BRCA1: variants seen among roughly 807,000 people sequenced by gnomAD.
The protein encoded by BRCA1 is BRCA1 DNA repair associated.
Under a neutral mutation model 173.7 loss-of-function variants are expected in BRCA1, and 140 were observed. The observed-to-expected ratio is 0.81, with a 90% CI of 0.70 to 0.93. The LOEUF is 0.93. Among genes scored for constraint, BRCA1 ranks in the 40% least tolerant of loss-of-function variants. The probability of loss-of-function intolerance (pLI) is 0.00; values close to 1 mark genes in which losing one functional copy is unlikely to be tolerated. For missense variants in BRCA1, 1,983 were observed against 2,172.5 expected (o/e 0.91, Z 1.73); for synonymous variants, 662 against 756.0 (o/e 0.88, Z 2.04).
intron 1 of BRCA1, among the ~76,000 whole-genome samples, chr17:43,147,390 T>C (rs11656761): frequency 0.32 from 48,077 of 151,940 alleles, 7,919 homozygotes; most frequent in South Asian, 0.49. Flanking sequence ...GGGGTTTCAC[T>C]GTGTTAGCCA....
Position 43,049,193 on chromosome 17 carries a change from A to T in BRCA1, c.5334T>A (p.Asp1778Glu), listed in dbSNP as rs754152768. The T allele has an allele frequency of 6.2e-7, 1 of 1,613,972 alleles. No individual in the cohort carries two copies. Among genetic ancestry groups the T allele is most frequent in the Non-Finnish European group, 8.5e-7 (1 of 1,179,844 alleles). Residue 1778 changes from aspartate to glutamate, a missense_variant and splice_region_variant, in exon 21 of 23, where the codon GAT becomes GAA. Transcript: ENST00000357654. ...ACAGCTGTACCATCCATTCCAGTTG[A>T]TCTAAAATGGACATTTAGATGTAAA... is the stretch of plus-strand genomic sequence containing the variant. ...CYGPFTNMPT[D>E]QLEWMVQLCG...
intron 2 of BRCA1, among the ~76,000 whole-genome samples, chr17:43,120,422 T>C (rs554143285): frequency 6.6e-6 from 1 of 152,198 alleles, no homozygotes. Context: ...AAGTGAAATA[T>C]GATCCCTATC....
intron 2 of BRCA1, among the ~76,000 whole-genome samples, chr17:43,118,844 A>G (rs2055416020): frequency 6.6e-6 from 1 of 150,952 alleles, no homozygotes; most frequent in Admixed American, 6.6e-5. Flanking sequence ...GCTCACTGCA[A>G]CCTCTGCCTC....
chr17:43,154,340 T>C (rs1408946435), intron 1 of BRCA1, among the ~76,000 whole-genome samples: 6 of 151,710 alleles, frequency 4.0e-5, no homozygotes, highest in Admixed American at 2.0e-4. Flanking sequence ...AAAAACTAAC[T>C]GGGCATGGTG....
chr17:43,071,775 G>A (rs1157527243), intron 14 of BRCA1, among the ~76,000 whole-genome samples: 1 of 152,030 alleles, frequency 6.6e-6, no homozygotes, highest in South Asian at 2.1e-4. Context: ...AGGCCGAGAC[G>A]GGTGGATCAC....
intron 1 of BRCA1, among the ~76,000 whole-genome samples, chr17:43,141,136 C>G (rs572113584): frequency 3.3e-5 from 5 of 152,116 alleles, no homozygotes; most frequent in African/African-American, 9.7e-5. Flanking sequence ...CACCCCTCCC[C>G]CTCCCAGGCT....
chr17:43,111,927 T>TA (rs2055054459), intron 3 of BRCA1, among the ~76,000 whole-genome samples: 1 of 152,166 alleles, frequency 6.6e-6, no homozygotes, highest in African/African-American at 2.4e-5. Context: ...TTTTAGCAAT[T>TA]AGAGTTTATC....
At chr17:43,059,251 G>T (rs998218446) in intron 18 of BRCA1, among the ~76,000 whole-genome samples, 3 of 152,110 alleles carry the variant, frequency 2.0e-5, no homozygotes, top group African/African-American at 7.2e-5. Context: ...ATTACCTGAG[G>T]TCAGGAGTTT....
At chr17:43,130,585 A>G (rs1200659243) in intron 1 of BRCA1, among the ~76,000 whole-genome samples, 2 of 152,210 alleles carry the variant, frequency 1.3e-5, no homozygotes, top group Admixed American at 1.3e-4. Context: ...AAATCCTGGG[A>G]TTACAGACAT....
At chr17:43,055,652 G>A (rs936825602) in intron 19 of BRCA1, among the ~76,000 whole-genome samples, 2 of 152,260 alleles carry the variant, frequency 1.3e-5, no homozygotes, top group South Asian at 4.1e-4. Flanking sequence ...TCGGTGTGGT[G>A]GCACGTGCCT....
At chr17:43,110,188 C>T (rs2154559656) in intron 3 of BRCA1, among the ~76,000 whole-genome samples, 1 of 152,194 alleles carries the variant, frequency 6.6e-6, no homozygotes, top group Middle Eastern at 3.4e-3. Context: ...GCCACCGCAC[C>T]CGGCCTCGAA....
At chr17:43,149,223 C>G (rs537638513) in intron 1 of BRCA1, among the ~76,000 whole-genome samples, 1 of 151,098 alleles carries the variant, frequency 6.6e-6, no homozygotes, top group African/African-American at 2.4e-5. Flanking sequence ...CTCAGCCTCC[C>G]GAGTAGCTGG....
chr17:43,153,170 A>G lies in BRCA1; in HGVS notation c.-20+16956T>C, dbSNP rs566356926. Among the ~76,000 whole-genome samples the G allele has an allele frequency of 3.3e-5, 5 of 152,262 alleles. No homozygotes were observed. In the East Asian group the frequency reaches 7.7e-4, roughly 23 times the overall value. Reference sequence around the variant, plus strand: ...ACCTGTAGAGTTTTGTGCATTTTGGATTTTGCTGATTGTATAACCCCATGG... The same window carrying G: ...ACCTGTAGAGTTTTGTGCATTTTGGGTTTTGCTGATTGTATAACCCCATGG... On this transcript the variant is annotated intron_variant, in intron 1 of 7. Transcript: ENST00000634433.
rs2154429843 is a variant in BRCA1, at chr17:43,093,839, A to T, written c.1692T>A (p.Asn564Lys). ...ATTCTATTGGGTTAGGATTTTTCTC[A>T]TTCTGAATAGAATCACCTTTTGTTT... ...ENKTKGDSIQ[N>K]EKNPNPIESL... The change falls in exon 10 of 23, where the codon AAT (asparagine) becomes AAA (lysine). Residue 564 changes from asparagine to lysine, a missense_variant. By Grantham distance (94) the Asn-to-Lys change is moderately conservative. Transcript: ENST00000357654. 3 of 1,613,494 alleles carry T rather than the reference A, an allele frequency of 1.9e-6. No individual in the cohort carries two copies. Among genetic ancestry groups the T allele is most frequent in the Non-Finnish European group, 2.5e-6 (3 of 1,179,896 alleles).
chr17:43,126,565 G>A (rs78350562), upstream of BRCA1, among the ~76,000 whole-genome samples: 79 of 152,320 alleles, frequency 5.2e-4, no homozygotes, highest in East Asian at 8.7e-3. Context: ...CCGTGTCTCC[G>A]GACAGCTAAT....
At chr17:43,155,443 C>A (rs1475511097) in intron 1 of BRCA1, among the ~76,000 whole-genome samples, 1 of 152,146 alleles carries the variant, frequency 6.6e-6, no homozygotes, top group Non-Finnish European at 1.5e-5. Context: ...GTTGCCCATG[C>A]TGGTCTTGAA....
At chr17:43,048,878 G>A (rs950973825) in intron 21 of BRCA1, among the ~76,000 whole-genome samples, 2 of 152,108 alleles carry the variant, frequency 1.3e-5, no homozygotes, top group Admixed American at 6.6e-5. Context: ...GTCACAGAGA[G>A]GAGGGGGAGG....
At chr17:43,050,091 A>G (rs2051143369) in intron 20 of BRCA1, 1 of 398,526 alleles carries the variant, frequency 2.5e-6, no homozygotes, top group South Asian at 1.3e-4. Context: ...GCTGTCACTC[A>G]TCTGCCTGTG....
chr17:43,120,821 C>G (rs2055517939), intron 2 of BRCA1, among the ~76,000 whole-genome samples: 1 of 151,812 alleles, frequency 6.6e-6, no homozygotes, highest in African/African-American at 2.4e-5. Context: ...CACGCCAGCA[C>G]TTTGGAAGGC....
Sources: gnomAD v4.1 joint callset for allele counts (sites outside exome capture counted in the v4.1 genomes callset) on GRCh38, gnomAD v4.1.1 for gene constraint, MANE v1.5 for transcripts, NCBI Gene and HGNC (gene_info 2026-07-23, HGNC 2026-07-21) for gene names.